Variants in LAP3 observed in about 807,000 individuals in gnomAD.
LAP3 encodes leucine aminopeptidase 3.
LAP3 carries 46 observed loss-of-function variants against 58.8 expected under a neutral mutation model. The observed-to-expected ratio is 0.78, with a 90% confidence interval of 0.62 to 1.00. The LOEUF is 1.00. Ranked by LOEUF, LAP3 falls within the 50% of genes least tolerant of loss-of-function variation. LAP3 has a pLI of 0.00. For missense variants in LAP3, 615 were observed against 659.1 expected (o/e 0.93, Z 0.73); for synonymous variants, 257 against 237.7 (o/e 1.08, Z -0.75).
chr4:17,587,417 C>G (rs538253773), intron 6 of LAP3: 2 of 116,008 alleles, frequency 1.7e-5, no homozygotes, highest in Non-Finnish European at 3.4e-5. Flanking sequence ...ATTGCACAGC[C>G]TTGTTGTTGT....
At chr4:17,601,695 C>T (rs12500912) in intron 10 of LAP3, among the ~76,000 whole-genome samples, 98,304 of 151,980 alleles carry the variant, frequency 0.65, 32,294 homozygotes, top group East Asian at 0.93. Context: ...TCCTCCAGTA[C>T]ACTTAAGTCA....
At position 17,595,487 on chromosome 4, in the gene LAP3, C is replaced by T. The variant is rs1211981921; in HGVS notation, c.941C>T (p.Ser314Leu). ...ATGGGAGGAGCTGCAACTATATGCT[C>T]AGCCATCGTGTCTGCTGCAAAGCTT... ...ADMGGAATIC[S>L]AIVSAAKLNL... Residue 314 changes from serine to leucine, a missense_variant, in exon 8 of 13, where the codon TCA becomes TTA. Physicochemically the swap from Ser to Leu is moderately radical, Grantham distance 145. Coordinates refer to ENST00000226299, the MANE Select transcript of LAP3 (RefSeq NM_015907.3). The T allele has an allele frequency of 1.2e-6, 2 of 1,613,922 alleles. No individual in the cohort carries two copies. Among genetic ancestry groups the T allele is most frequent in the Non-Finnish European group, 8.5e-7 (1 of 1,179,982 alleles).
intron 7 of LAP3, among the ~76,000 whole-genome samples, chr4:17,595,015 A>C (rs1468008274): frequency 6.6e-6 from 1 of 151,936 alleles, no homozygotes; most frequent in East Asian, 2.0e-4. Flanking sequence ...AAATGAGCTA[A>C]AGGCTGGGCG....
Position 17,607,644 on chromosome 4 carries a change from A to G in LAP3, c.*55A>G. 1 of 1,305,156 alleles carries G rather than the reference A, an allele frequency of 7.7e-7. No homozygotes were observed. The highest frequency in any genetic ancestry group is 1.7e-5 in the South Asian group (1 of 60,104). The allele number at this position is 1,305,156 out of a possible 1,614,324, so 80.8% of individuals were successfully genotyped here. On this transcript the variant is annotated 3_prime_UTR_variant, in exon 13 of 13. Transcript: ENST00000226299. ...TCTTAAATTGGACAGTTGAACTTAA[A>G]AGGTTTTTGAATAAATGGATGAAAA...
chr4:17,595,371 C>T (rs1713804395), intron 7 of LAP3, 39 bp from the exon 8 acceptor site: 1 of 1,604,236 alleles, frequency 6.2e-7, no homozygotes, highest in Non-Finnish European at 8.5e-7. Flanking sequence ...TGGCCATCTT[C>T]TTTGCTCTTA....
intron 10 of LAP3, among the ~76,000 whole-genome samples, chr4:17,602,677 TA>T (rs1480723359): frequency 6.6e-6 from 1 of 152,128 alleles, no homozygotes; most frequent in Non-Finnish European, 1.5e-5. Flanking sequence ...CATTTGTTTA[TA>T]AAAGAGGAAT....
At chr4:17,603,725 G>A (rs761916368) in intron 10 of LAP3, among the ~76,000 whole-genome samples, 5 of 151,280 alleles carry the variant, frequency 3.3e-5, no homozygotes, top group Non-Finnish European at 7.4e-5. Context: ...TGTTGGTCAG[G>A]CTCGTCTCAA....
chr4:17,605,118 CCACACACACACACACACA>C (rs10609509), intron 11 of LAP3, among the ~76,000 whole-genome samples: 1 of 146,928 alleles, frequency 6.8e-6, no homozygotes, highest in East Asian at 2.0e-4. Context: ...ACCCTCACTT[CCACACACACACACACACA>C]CACACACACA....
At chr4:17,595,200 G>T (rs1009938501) in intron 7 of LAP3, among the ~76,000 whole-genome samples, 1 of 150,058 alleles carries the variant, frequency 6.7e-6, no homozygotes, top group Non-Finnish European at 1.5e-5. Flanking sequence ...CACCACACCC[G>T]GCTAATTTTT....
At chr4:17,604,246 A>C (rs1286113316) in intron 10 of LAP3, among the ~76,000 whole-genome samples, 2 of 144,172 alleles carry the variant, frequency 1.4e-5, no homozygotes, top group Non-Finnish European at 3.0e-5. Context: ...ACTACACTGC[A>C]GCCTGGGTGA....
At chr4:17,580,438 G>A (rs1713329574) in intron 2 of LAP3, among the ~76,000 whole-genome samples, 1 of 151,608 alleles carries the variant, frequency 6.6e-6, no homozygotes, top group Non-Finnish European at 1.5e-5. Flanking sequence ...GTTTCAGTAT[G>A]GATGGGTCTG....
rs1309275835 is a variant in LAP3, at chr4:17,588,710, C to CT, written c.705-106dup. ...TAATTGAAACCTTAATGTGCGTATA[C>CT]TTTAAGAGTTTGTATATTATACTTT... On this transcript the variant is annotated intron_variant, in intron 6 of 12. Transcript: ENST00000226299. 4.8e-6 allele frequency: 5 copies of CT among 1,051,024 alleles called. No individual in the cohort carries two copies. The African/African-American group carries it at 4.8e-5, about 10-fold the overall frequency. The allele number at this position is 1,051,024 out of a possible 1,614,324, so 65.1% of individuals were successfully genotyped here.
intron 6 of LAP3, 175 bp downstream of exon 6, chr4:17,585,311 C>G (rs1713480348): frequency 1.8e-6 from 1 of 546,188 alleles, no homozygotes; most frequent in African/African-American, 1.9e-5. Context: ...TTCTTTCTAT[C>G]TTTCCTTGCC....
At position 17,579,944 on chromosome 4, in the gene LAP3, G is replaced by A. The variant is rs1326178358; in HGVS notation, c.218+5G>A. On this transcript the variant is annotated splice_donor_5th_base_variant and intron_variant, in intron 2 of 12. Transcript: ENST00000226299. ...GCTGAGAGAGACTTTGAACATGTAA[G>A]TGTTGCTTGTGGGCTCTAGTTCTTA... 3 of 1,509,678 alleles carry A rather than the reference G, an allele frequency of 2.0e-6. No homozygotes were observed. Among genetic ancestry groups the A allele is most frequent in the Non-Finnish European group, 2.8e-6 (3 of 1,089,536 alleles). 93.5% of individuals were successfully genotyped at this position (1,509,678 alleles called of 1,614,324 possible).
In LAP3 at chr4:17,591,204, G is replaced by A. The variant is rs1205846090; in HGVS notation, c.863+2227G>A. On this transcript the variant is annotated intron_variant, in intron 7 of 12. Transcript: ENST00000226299. ...TGATTCTCCTGCCTGAGCCTCCCGA[G>A]TAGCTGGGATTACAGGTGCCTGCTA... Among the ~76,000 whole-genome samples the A allele has an allele frequency of 2.6e-5, 4 of 152,184 alleles. No homozygotes were observed. In the East Asian group the frequency reaches 7.7e-4, roughly 29 times the overall value.
chr4:17,583,781 TTAA>T (rs1713428770), intron 5 of LAP3, 139 bp downstream of exon 5: 1 of 859,816 alleles, frequency 1.2e-6, no homozygotes, highest in Admixed American at 2.6e-5. Context: ...CTCAGCCATT[TTAA>T]TAATGTGGTC....
Position 17,588,990 on chromosome 4 carries a change from G to T in LAP3, c.863+13G>T, listed in dbSNP as rs777901039. On this transcript the variant is annotated intron_variant, in intron 7 of 12. Transcript: ENST00000226299. Reference sequence around the variant, plus strand: ...TTACCTTTGACAGGTATTTTTTATGGTGTCCGTGCTTTGTATTTTGGTGAA... The same window carrying T: ...TTACCTTTGACAGGTATTTTTTATGTTGTCCGTGCTTTGTATTTTGGTGAA... 6.2e-7 allele frequency: 1 copy of T among 1,608,086 alleles called. No individual in the cohort carries two copies. The highest frequency in any genetic ancestry group is 8.5e-7 in the Non-Finnish European group (1 of 1,175,854).
Position 17,598,554 on chromosome 4 carries a change from A to G in LAP3, c.1176A>G (p.Leu392=). The part of the protein sequence containing the change: ...NPKVILNAAT[L]TGAMDVALGS... ...AGGTCATCCTCAATGCCGCCACCTT[A>G]ACAGGTCAGACCGCGCACTTGCCTT... Residue 392 remains leucine, a synonymous_variant, in exon 10 of 13, where the codon TTA becomes TTG. Coordinates refer to ENST00000226299, the MANE Select transcript of LAP3 (RefSeq NM_015907.3). The G allele has an allele frequency of 6.2e-7, 1 of 1,610,764 alleles. No homozygotes were observed. Among genetic ancestry groups the G allele is most frequent in the Non-Finnish European group, 8.5e-7 (1 of 1,176,978 alleles).
chr4:17,583,682 C>T (rs552474391), intron 5 of LAP3, 40 bp downstream of exon 5: 27 of 1,609,484 alleles, frequency 1.7e-5, no homozygotes, highest in Middle Eastern at 1.7e-4. Flanking sequence ...TGCTCCCTGG[C>T]GTTCTGACAG....
Sources: gnomAD v4.1 joint callset for allele counts (sites outside exome capture counted in the v4.1 genomes callset) on GRCh38, gnomAD v4.1.1 for gene constraint, MANE v1.5 for transcripts, NCBI Gene and HGNC (gene_info 2026-07-23, HGNC 2026-07-21) for gene names.